RBFOX3: variants seen among roughly 807,000 people sequenced by gnomAD.
The protein encoded by RBFOX3 is RNA binding fox-1 homolog 3.
A neutral mutation model predicts 48.7 loss-of-function variants in RBFOX3; 17 were observed. That is an observed-to-expected ratio of 0.35 (90% CI 0.24 to 0.52). The LOEUF (loss-of-function observed/expected upper bound fraction) is 0.52, where lower values mean the gene tolerates loss of function less well. Ranked by LOEUF, RBFOX3 falls within the 20% of genes least tolerant of loss-of-function variation. RBFOX3 has a pLI of 0.94. For missense variants in RBFOX3, 382 were observed against 497.5 expected (o/e 0.77, Z 2.21); for synonymous variants, 212 against 209.5 (o/e 1.01, Z -0.10).
the RBFOX3 span, among the ~76,000 whole-genome samples, chr17:79,653,883 CAAA>C: frequency 3.0e-5 from 2 of 66,552 alleles, no homozygotes. Flanking sequence ...TCTCTACCAC[CAAA>C]AAAAAAAAAA....
chr17:79,145,915 G>C lies in RBFOX3; in HGVS notation c.-33-30167C>G, dbSNP rs138027410. ...AAGACAATTTTTCCAAAGGCCGCCG[G>C]GGGCAGGGGGGTGGTTGGGGAGGGA... is the stretch of plus-strand genomic sequence containing the variant. On this transcript the variant is annotated intron_variant, in intron 4 of 14. Transcript: ENST00000693108. Among the ~76,000 whole-genome samples the C allele has an allele frequency of 4.2e-3, 641 of 152,292 alleles. 4 individuals are homozygous for C. Among genetic ancestry groups the C allele is most frequent in the African/African-American group, 0.015 (618 of 41,566 alleles).
chr17:79,346,542 T>C lies in RBFOX3; in HGVS notation c.-174-38718A>G, dbSNP rs192252920. On this transcript the variant is annotated intron_variant, in intron 2 of 14. Coordinates refer to ENST00000693108, the MANE Select transcript of RBFOX3 (RefSeq NM_001350451.2). ...GCCCAGATATGCGATAGGAGAAGTA[T>C]CTCCTTCATGCTCTGCTCCTCAGAG... 5.4e-3 allele frequency among the ~76,000 whole-genome samples: 816 copies of C among 152,308 alleles called. 6 individuals are homozygous for C. The highest frequency in any genetic ancestry group is 0.017 in the Admixed American group (255 of 15,306).
chr17:79,664,243 C>G, the RBFOX3 span, among the ~76,000 whole-genome samples: 1 of 151,858 alleles, frequency 6.6e-6, no homozygotes, highest in Non-Finnish European at 1.5e-5. Flanking sequence ...GGCGCAATCT[C>G]AGCTCACTGC....
the RBFOX3 span, among the ~76,000 whole-genome samples, chr17:79,657,856 G>A: frequency 6.6e-6 from 1 of 152,174 alleles, no homozygotes; most frequent in African/African-American, 2.4e-5. Context: ...TTTAAAGAAG[G>A]CTTAAGCTCT....
At chr17:79,137,755 T>A (rs1487898144) in intron 4 of RBFOX3, among the ~76,000 whole-genome samples, 1 of 152,100 alleles carries the variant, frequency 6.6e-6, no homozygotes, top group Non-Finnish European at 1.5e-5. Flanking sequence ...TGATTAAATG[T>A]CCCTCATTAA....
At chr17:79,463,520 A>ACCG (rs2075814634) in intron 2 of RBFOX3, among the ~76,000 whole-genome samples, 2 of 96,330 alleles carry the variant, frequency 2.1e-5, no homozygotes, top group African/African-American at 7.9e-5. Context: ...TGCCACCTCC[A>ACCG]CCATCGCCAC....
chr17:79,477,099 G>A lies in RBFOX3; in HGVS notation c.-175+5355C>T, dbSNP rs2077912409. On this transcript the variant is annotated intron_variant, in intron 2 of 14. Coordinates refer to ENST00000693108, the MANE Select transcript of RBFOX3 (RefSeq NM_001350451.2). The surrounding 1 kb of genome is among the most constrained non-coding windows in gnomAD (Gnocchi z 4.8). The stretch of plus-strand genomic sequence containing the variant: ...AATACAAAAATTAGCCAGGCGTGGT[G>A]GTGGGCGCCTGTAATCCCAGTTACT... 6.6e-6 allele frequency among the ~76,000 whole-genome samples: 1 copy of A among 151,450 alleles called. No homozygotes were observed. Among genetic ancestry groups the A allele is most frequent in the Non-Finnish European group, 1.5e-5 (1 of 67,910 alleles).
chr17:79,207,646 G>A (rs1282685026), intron 4 of RBFOX3, among the ~76,000 whole-genome samples: 3 of 152,208 alleles, frequency 2.0e-5, no homozygotes, highest in Non-Finnish European at 2.9e-5. Context: ...TTTGGAACAC[G>A]CCCTCCTCTC....
intron 2 of RBFOX3, among the ~76,000 whole-genome samples, chr17:79,340,322 A>AC (rs1555678118): frequency 7.6e-4 from 109 of 144,096 alleles, no homozygotes; most frequent in Non-Finnish European, 1.1e-3. Context: ...AAAAACAAAA[A>AC]CAAAACTCTC....
At chr17:79,326,658 A>G (rs2079379200) in intron 2 of RBFOX3, among the ~76,000 whole-genome samples, 1 of 152,182 alleles carries the variant, frequency 6.6e-6, no homozygotes, top group African/African-American at 2.4e-5. Flanking sequence ...ACTCCCTGCC[A>G]GAGGTGGCGA....
At chr17:79,105,217 GAA>G (rs1568136260) in intron 6 of RBFOX3, among the ~76,000 whole-genome samples, 1 of 152,228 alleles carries the variant, frequency 6.6e-6, no homozygotes, top group African/African-American at 2.4e-5. Context: ...GCCAGGTGCT[GAA>G]AAGAGGGGGA....
intron 3 of RBFOX3, among the ~76,000 whole-genome samples, chr17:79,247,311 T>TTTTG (rs1491582923): frequency 2.9e-5 from 1 of 33,980 alleles, no homozygotes; most frequent in Non-Finnish European, 6.5e-5. Flanking sequence ...CATAATCGTA[T>TTTTG]TTTTTTTTTT....
At chr17:79,116,360 C>T (rs1599501911) in intron 4 of RBFOX3, among the ~76,000 whole-genome samples, 1 of 152,196 alleles carries the variant, frequency 6.6e-6, no homozygotes, top group African/African-American at 2.4e-5. Context: ...ACTAAAAATA[C>T]AAAAATTAGC....
intron 4 of RBFOX3, among the ~76,000 whole-genome samples, chr17:79,116,923 A>T (rs977311339): frequency 6.6e-6 from 1 of 152,232 alleles, no homozygotes; most frequent in Admixed American, 6.5e-5. Context: ...TGCGGGTTCC[A>T]GGGCGCACCC....
chr17:79,095,359 G>A (rs1193662333), intron 13 of RBFOX3, among the ~76,000 whole-genome samples, 154 bp downstream of exon 13: 1 of 152,160 alleles, frequency 6.6e-6, no homozygotes, highest in East Asian at 1.9e-4. Flanking sequence ...TGGCTCAAGG[G>A]CCACACTCAG....
chr17:79,384,078 C>A (rs1248226554), intron 2 of RBFOX3, among the ~76,000 whole-genome samples: 1 of 152,210 alleles, frequency 6.6e-6, no homozygotes, highest in African/African-American at 2.4e-5. Flanking sequence ...GCAGCCGCCA[C>A]ATGCCCACAG....
At chr17:79,637,044 T>G in the RBFOX3 span, among the ~76,000 whole-genome samples, 1 of 152,200 alleles carries the variant, frequency 6.6e-6, no homozygotes, top group African/African-American at 2.4e-5. Context: ...AGTCAAAAAC[T>G]GTTATAAGAG....
At chr17:79,374,311 A>G (rs1397803312) in intron 2 of RBFOX3, among the ~76,000 whole-genome samples, 3 of 152,164 alleles carry the variant, frequency 2.0e-5, no homozygotes, top group African/African-American at 4.8e-5. Flanking sequence ...ACCATCTCCC[A>G]GAGGGGTTTC....
rs959333376 is a variant in RBFOX3, at chr17:79,094,322, C to T, written c.1077+129G>A. 1.1e-4 allele frequency: 64 copies of T among 609,044 alleles called. 1 individual carries two copies. The highest frequency in any genetic ancestry group is 5.3e-4 in the African/African-American group (27 of 50,822). 37.7% of individuals were successfully genotyped at this position (609,044 alleles called of 1,614,324 possible). ...CCCTCACCCTAACTCACATCCAGGCCGTGGTCCTTCCAAAGTCTCCGGGAC... is the reference window on the plus strand; with the variant it reads ...CCCTCACCCTAACTCACATCCAGGCTGTGGTCCTTCCAAAGTCTCCGGGAC... On this transcript the variant is annotated intron_variant, in intron 14 of 14. Coordinates refer to ENST00000693108, the MANE Select transcript of RBFOX3 (RefSeq NM_001350451.2).
Sources: allele counts gnomAD v4.1 joint callset (sites outside exome capture counted in the v4.1 genomes callset), GRCh38; gene constraint gnomAD v4.1.1; non-coding constraint Gnocchi (gnomAD v3.1); transcripts MANE v1.5; gene names NCBI Gene and HGNC (gene_info 2026-07-23, HGNC 2026-07-21).